Variants in PDE4B observed in about 807,000 individuals in gnomAD.
PDE4B encodes the protein phosphodiesterase 4B, also known as 3',5'-cyclic-AMP phosphodiesterase 4B.
PDE4B carries 20 observed loss-of-function variants against 82.2 expected under a neutral mutation model. The ratio of observed to expected loss-of-function variants is 0.24; its 90% confidence interval spans 0.17 to 0.35. PDE4B has a LOEUF of 0.35. Ranked by LOEUF, PDE4B falls within the 10% of genes least tolerant of loss-of-function variation. The pLI is 1.00. For synonymous variants in PDE4B, 320 were observed against 318.9 expected, an observed-to-expected ratio of 1.00 and a Z score of -0.04; for missense variants, 655 against 907.2, an observed-to-expected ratio of 0.72 and a Z score of 3.57.
chr1:65,921,721 G>T (rs1445797815), intron 3 of PDE4B, among the ~76,000 whole-genome samples: 1 of 152,204 alleles, frequency 6.6e-6, no homozygotes, highest in Admixed American at 6.5e-5. Context: ...CAGCAGGCTG[G>T]ATTTGGCCTG....
intron 3 of PDE4B, among the ~76,000 whole-genome samples, chr1:66,179,845 A>C (rs1194105262): frequency 6.6e-6 from 1 of 152,166 alleles, no homozygotes; most frequent in Non-Finnish European, 1.5e-5. Context: ...TAGAACTTCT[A>C]GAATCCTTTC....
At chr1:66,078,979 A>G (rs1168528653) in intron 3 of PDE4B, among the ~76,000 whole-genome samples, 1 of 152,158 alleles carries the variant, frequency 6.6e-6, no homozygotes, top group Non-Finnish European at 1.5e-5. Context: ...TTATTTATTC[A>G]GGAAATACAT....
At chr1:66,281,702 T>C (rs1486733993) in intron 7 of PDE4B, among the ~76,000 whole-genome samples, 2 of 152,214 alleles carry the variant, frequency 1.3e-5, no homozygotes, top group East Asian at 1.9e-4. Context: ...ATACAAGGCA[T>C]GGGGGAGGAG....
At chr1:66,050,361 T>C (rs906104946) in intron 3 of PDE4B, among the ~76,000 whole-genome samples, 1 of 152,060 alleles carries the variant, frequency 6.6e-6, no homozygotes, top group South Asian at 2.1e-4. Flanking sequence ...GAAATAGAAT[T>C]TGGGACATTT....
chr1:65,994,848 T>C (rs1012046688), intron 3 of PDE4B, among the ~76,000 whole-genome samples: 2 of 152,106 alleles, frequency 1.3e-5, no homozygotes, highest in Admixed American at 1.3e-4. Flanking sequence ...GACCTTTCTT[T>C]TTCTTATAAT....
At chr1:65,796,396 G>T (rs2101148924) in intron 1 of PDE4B, among the ~76,000 whole-genome samples, 1 of 137,968 alleles carries the variant, frequency 7.2e-6, no homozygotes, top group Admixed American at 7.1e-5. Flanking sequence ...AGACCCCGAG[G>T]CTTGGTTCAT....
At chr1:66,067,153 G>A (rs1655896655) in intron 3 of PDE4B, among the ~76,000 whole-genome samples, 1 of 152,090 alleles carries the variant, frequency 6.6e-6, no homozygotes, top group Non-Finnish European at 1.5e-5. Flanking sequence ...AAACATACGT[G>A]TGCATGTGTC....
intron 3 of PDE4B, among the ~76,000 whole-genome samples, chr1:65,962,611 G>A (rs1433699599): frequency 1.3e-5 from 2 of 152,176 alleles, no homozygotes; most frequent in East Asian, 3.8e-4. Flanking sequence ...ATTGGGCCAT[G>A]GGAAAGCTGA....
intron 1 of PDE4B, among the ~76,000 whole-genome samples, chr1:65,854,650 C>T (rs1646372052): frequency 6.6e-6 from 1 of 151,748 alleles, no homozygotes; most frequent in Admixed American, 6.6e-5. Context: ...TTATCATTAC[C>T]CTTTGGCAAT....
chr1:66,148,758 G>A (rs1646324495), intron 3 of PDE4B, among the ~76,000 whole-genome samples: 2 of 152,142 alleles, frequency 1.3e-5, no homozygotes, highest in Non-Finnish European at 2.9e-5. Flanking sequence ...AAATCTTACA[G>A]TATGTGATCT....
chr1:66,020,560 G>A (rs938669639), intron 3 of PDE4B, among the ~76,000 whole-genome samples: 4 of 151,992 alleles, frequency 2.6e-5, no homozygotes, highest in Admixed American at 2.6e-4. Context: ...GTCAGAACAT[G>A]TGGTGTTTGG....
At chr1:66,113,265 A>G (rs1202129494) in intron 3 of PDE4B, among the ~76,000 whole-genome samples, 10 of 152,204 alleles carry the variant, frequency 6.6e-5, no homozygotes, top group Non-Finnish European at 1.5e-5. Context: ...ATCAATTTAC[A>G]ATTATAATTG....
intron 7 of PDE4B, among the ~76,000 whole-genome samples, chr1:66,291,064 G>A (rs749807157): frequency 6.6e-6 from 1 of 152,056 alleles, no homozygotes; most frequent in Non-Finnish European, 1.5e-5. Context: ...AAATGAAGAA[G>A]GGATGCAAAA....
At chr1:65,813,396 T>C (rs907523493) in intron 1 of PDE4B, among the ~76,000 whole-genome samples, 2 of 152,144 alleles carry the variant, frequency 1.3e-5, no homozygotes, top group South Asian at 2.1e-4. Context: ...CTGGGGGAAA[T>C]GGCATGTTGA....
At chr1:66,354,952 T>A in intron 8 of PDE4B, 1 of 1,460,106 alleles carries the variant, frequency 6.8e-7, no homozygotes, top group South Asian at 1.2e-5. Context: ...TACCTCTGTG[T>A]GTTTTTTTGT....
chr1:66,106,547 G>A (rs959160865), intron 3 of PDE4B, among the ~76,000 whole-genome samples: 14 of 149,992 alleles, frequency 9.3e-5, no homozygotes, highest in Non-Finnish European at 1.9e-4. Flanking sequence ...GGTAGAATTC[G>A]GCTGTGAATC....
chr1:66,096,019 T>A (rs1215678401), intron 3 of PDE4B, among the ~76,000 whole-genome samples: 2 of 151,880 alleles, frequency 1.3e-5, no homozygotes, highest in Non-Finnish European at 2.9e-5. Flanking sequence ...CATTGCTTTG[T>A]GTTAGGAACA....
chr1:66,130,073 A>G (rs2101107296), intron 3 of PDE4B, among the ~76,000 whole-genome samples: 1 of 152,398 alleles, frequency 6.6e-6, no homozygotes, highest in East Asian at 1.9e-4. Flanking sequence ...GAGATCCAAC[A>G]TGCAGCTATC....
At position 66,099,286 on chromosome 1, in the gene PDE4B, A is replaced by G. The variant is rs372137875; in HGVS notation, c.282-148174A>G. Among the ~76,000 whole-genome samples, 3 of 152,226 alleles carry G rather than the reference A, an allele frequency of 2.0e-5. No homozygotes were observed. In the East Asian group the frequency reaches 5.8e-4, roughly 29 times the overall value. The stretch of plus-strand genomic sequence containing the variant: ...TTCCAGCTCCATCCATGTTCCTACA[A>G]AGGACATGATCTCATTCTTTTGTAT... On this transcript the variant is annotated intron_variant, in intron 3 of 16. Coordinates refer to ENST00000341517, the MANE Select transcript of PDE4B (RefSeq NM_002600.4).
Sources: allele counts gnomAD v4.1 joint callset (sites outside exome capture counted in the v4.1 genomes callset), GRCh38; gene constraint gnomAD v4.1.1; transcripts MANE v1.5; gene names NCBI Gene and HGNC (gene_info 2026-07-23, HGNC 2026-07-21).